FBXO9: variants seen among roughly 807,000 people sequenced by gnomAD.
FBXO9 encodes F-box protein 9, also known as F-box only protein 9.
FBXO9 carries 43 observed loss-of-function variants against 63.7 expected under a neutral mutation model. The ratio of observed to expected loss-of-function variants is 0.67; its 90% CI spans 0.53 to 0.87. FBXO9 has a LOEUF of 0.87. Ranked by LOEUF, FBXO9 falls within the 40% of genes least tolerant of loss-of-function variation. FBXO9 has a pLI of 0.00. For synonymous variants in FBXO9, 156 were observed against 171.7 expected (o/e 0.91, Z 0.72); for missense variants, 442 against 533.2 (o/e 0.83, Z 1.68).
chr6:53,096,392 A>G (rs771960557), intron 12 of FBXO9, among the ~76,000 whole-genome samples: 2 of 152,188 alleles, frequency 1.3e-5, no homozygotes, highest in Non-Finnish European at 2.9e-5. Context: ...AAATTCCGAG[A>G]GAGAAGTTTT....
At chr6:53,092,373 T>G in intron 7 of FBXO9, 56 bp from the exon 8 acceptor site, 1 of 1,282,686 alleles carries the variant, frequency 7.8e-7, no homozygotes, top group Non-Finnish European at 1.1e-6. Context: ...AGCAAAAATA[T>G]TTATGTCTAT....
In FBXO9 at chr6:53,098,198, G is replaced by T; in HGVS notation, c.*368G>T. On this transcript the variant is annotated 3_prime_UTR_variant, in exon 13 of 13. Coordinates refer to ENST00000323557, the MANE Select transcript of FBXO9 (RefSeq NM_033480.3). ...ATTTCTGTCACATAAGTCGTCTTCT[G>T]CTTGAGTATCCTAATATTTCAATGC... The T allele has an allele frequency of 2.7e-6, 1 of 368,668 alleles. No homozygotes were observed. The highest frequency in any genetic ancestry group is 5.6e-6 in the Non-Finnish European group (1 of 177,518). The allele number at this position is 368,668 out of a possible 1,614,324, so 22.8% of individuals were successfully genotyped here.
intron 7 of FBXO9, among the ~76,000 whole-genome samples, chr6:53,087,204 G>A (rs1396676203): frequency 6.6e-6 from 1 of 151,672 alleles, no homozygotes; most frequent in Non-Finnish European, 1.5e-5. Flanking sequence ...TTAGTTGGAC[G>A]TAGTGTGTGT....
At chr6:53,085,589 CACATT>C (rs1021281967) in intron 7 of FBXO9, among the ~76,000 whole-genome samples, 3 of 151,678 alleles carry the variant, frequency 2.0e-5, no homozygotes, top group African/African-American at 4.9e-5. Context: ...TTAGAATACT[CACATT>C]AATAACATCT....
At chr6:53,079,522 T>C (rs1196192055) in intron 5 of FBXO9, among the ~76,000 whole-genome samples, 1 of 150,370 alleles carries the variant, frequency 6.7e-6, no homozygotes, top group Non-Finnish European at 1.5e-5. Context: ...TGAAGTAGCA[T>C]TGGTTTTATA....
chr6:53,082,115 G>T (rs1049418304), intron 6 of FBXO9, among the ~76,000 whole-genome samples: 6 of 152,084 alleles, frequency 3.9e-5, no homozygotes, highest in African/African-American at 1.2e-4. Context: ...AATATTGTTT[G>T]GTTCGGGGCT....
intron 4 of FBXO9, among the ~76,000 whole-genome samples, chr6:53,077,472 C>CAAAAAAAAA (rs1173539613): frequency 1.4e-5 from 1 of 70,454 alleles, no homozygotes; most frequent in Non-Finnish European, 2.5e-5. Flanking sequence ...GACTCCGTCT[C>CAAAAAAAAA]AAAAAAAAAA....
intron 1 of FBXO9, among the ~76,000 whole-genome samples, chr6:53,067,659 C>A (rs1379793360): frequency 6.6e-6 from 1 of 152,102 alleles, no homozygotes; most frequent in East Asian, 1.9e-4. Flanking sequence ...GGTCCCCTCG[C>A]ATTACCTGTA....
chr6:53,073,234 T>C (rs1768978858), intron 2 of FBXO9, among the ~76,000 whole-genome samples: 1 of 152,196 alleles, frequency 6.6e-6, no homozygotes, highest in Admixed American at 6.5e-5. Flanking sequence ...GGTTTTCCAA[T>C]ATAATTTGAC....
intron 2 of FBXO9, among the ~76,000 whole-genome samples, chr6:53,073,093 T>G (rs1768975520): frequency 6.6e-6 from 1 of 152,186 alleles, no homozygotes; most frequent in African/African-American, 2.4e-5. Flanking sequence ...TAATAGATTT[T>G]GGGCTTACCT....
intron 7 of FBXO9, among the ~76,000 whole-genome samples, chr6:53,087,805 C>T (rs1007047540): frequency 6.6e-6 from 1 of 152,168 alleles, no homozygotes; most frequent in African/African-American, 2.4e-5. Context: ...AAGAAAACTT[C>T]ATTGTTCTAA....
rs370376563 is a variant in FBXO9 at position 53,092,382 on chromosome 6, A to G, written c.654-47A>G. Reference sequence around the variant, plus strand: ...GCTGATAGCAAAAATATTTATGTCTATGTATAGGGACTTAGTTTTTATTGA... The same window carrying G: ...GCTGATAGCAAAAATATTTATGTCTGTGTATAGGGACTTAGTTTTTATTGA... On this transcript the variant is annotated intron_variant, in intron 7 of 12. Transcript: ENST00000323557. 7.3e-5 allele frequency: 97 copies of G among 1,337,024 alleles called. 1 individual carries two copies. The highest frequency in any genetic ancestry group is 7.2e-4 in the African/African-American group (50 of 69,096). The allele number at this position is 1,337,024 out of a possible 1,614,324, so 82.8% of individuals were successfully genotyped here. A position where few individuals can be genotyped will look rare whatever the true frequency, so the allele number is the denominator to read the frequency against.
chr6:53,075,118 TTTTAA>T (rs1769051765), intron 3 of FBXO9, among the ~76,000 whole-genome samples: 2 of 152,018 alleles, frequency 1.3e-5, no homozygotes, highest in South Asian at 2.1e-4. Context: ...TGTTGCTACT[TTTTAA>T]TTTAATTTAA....
In FBXO9 at chr6:53,097,832, G is replaced by C. The variant is rs1210241112; in HGVS notation, c.*2G>C. 10 of 1,580,796 alleles carry C rather than the reference G, an allele frequency of 6.3e-6. No homozygotes were observed. Among genetic ancestry groups the C allele is most frequent in the Non-Finnish European group, 8.6e-6 (10 of 1,157,874 alleles). On this transcript the variant is annotated 3_prime_UTR_variant, in exon 13 of 13. Transcript: ENST00000323557. Reference sequence around the variant, plus strand: ...GCTTTCTCAGAAAGGCCTCTGTAGAGCCTCAAGTCCAGTCCTCTATCACTT... The same window carrying C: ...GCTTTCTCAGAAAGGCCTCTGTAGACCCTCAAGTCCAGTCCTCTATCACTT...
intron 6 of FBXO9, among the ~76,000 whole-genome samples, chr6:53,081,837 G>A (rs1474265048): frequency 2.0e-5 from 3 of 152,188 alleles, no homozygotes; most frequent in Non-Finnish European, 4.4e-5. Flanking sequence ...GGGAGGCTGA[G>A]TTGGGAGGAT....
Position 53,093,521 on chromosome 6 carries a change from C to G in FBXO9, c.919C>G (p.Pro307Ala). 6.2e-7 allele frequency: 1 copy of G among 1,613,662 alleles called. No individual in the cohort carries two copies. The highest frequency in any genetic ancestry group is 1.1e-5 in the South Asian group (1 of 91,056). Residue 307 changes from proline to alanine, a missense_variant, in exon 10 of 13, where the codon CCT becomes GCT. Pro to Ala is a conservative substitution (Grantham distance 27, BLOSUM62 -1). Around this residue, in one of 2 missense-constraint regions of FBXO9, gnomAD observed 262 missense variants for 362.1 expected, o/e 0.72. Transcript: ENST00000323557. ...HVMMLTTPEEPQSIVPRLRTR... is the reference protein window; with the variant it reads ...HVMMLTTPEEAQSIVPRLRTR... Reference sequence around the variant, plus strand: ...GATGATGTTGACAACCCCTGAAGAGCCTCAGTCCATTGTTCCACGTTTAAG... The same window carrying G: ...GATGATGTTGACAACCCCTGAAGAGGCTCAGTCCATTGTTCCACGTTTAAG...
At chr6:53,084,483 T>C (rs1195474720) in intron 7 of FBXO9, among the ~76,000 whole-genome samples, 1 of 152,198 alleles carries the variant, frequency 6.6e-6, no homozygotes, top group Non-Finnish European at 1.5e-5. Flanking sequence ...TAAGTGGGGG[T>C]AAAAGTCTTA....
Position 53,065,522 on chromosome 6 carries a change from C to G in FBXO9, c.-268C>G. On this transcript the variant is annotated 5_prime_UTR_variant, in exon 1 of 13. Transcript: ENST00000323557. ...CACAATCCCCCGCCTCGGCTGGCAA[C>G]GGGCGTCCCTCCACTCCCCGAGTCC... 2 of 388,044 alleles carry G rather than the reference C, an allele frequency of 5.2e-6. No homozygotes were observed. Among genetic ancestry groups the G allele is most frequent in the Non-Finnish European group, 9.1e-6 (2 of 218,814 alleles). The allele number at this position is 388,044 out of a possible 1,614,324, so 24.0% of individuals were successfully genotyped here.
intron 7 of FBXO9, among the ~76,000 whole-genome samples, chr6:53,086,293 C>T (rs1028233860): frequency 1.3e-5 from 2 of 152,188 alleles, no homozygotes; most frequent in Non-Finnish European, 2.9e-5. Flanking sequence ...TGTGAAGTTA[C>T]TTATTTAACC....
Sources: allele counts gnomAD v4.1 joint callset (sites outside exome capture counted in the v4.1 genomes callset), GRCh38; gene constraint gnomAD v4.1.1; regional missense constraint gnomAD v4.1.1; transcripts MANE v1.5; gene names NCBI Gene and HGNC (gene_info 2026-07-23, HGNC 2026-07-21).